The following ARHGEF10L variants were observed in gnomAD, a reference collection of about 807,000 sequenced individuals.
ARHGEF10L encodes the protein Rho guanine nucleotide exchange factor 10 like, also known as rho guanine nucleotide exchange factor 10-like protein.
A neutral mutation model predicts 141.2 loss-of-function variants in ARHGEF10L; 69 were observed. That is an observed-to-expected ratio of 0.49 (90% CI 0.40 to 0.60). ARHGEF10L has a LOEUF of 0.60. Among genes scored for constraint, ARHGEF10L ranks in the 20% least tolerant of loss-of-function variants. The pLI is 0.00. For missense variants in ARHGEF10L, 1,482 were observed against 1,734.3 expected (o/e 0.85, Z 2.58); for synonymous variants, 711 against 718.5 (o/e 0.99, Z 0.17).
chr1:17,667,511 C>A (rs1033705190), intron 26 of ARHGEF10L, among the ~76,000 whole-genome samples: 1 of 152,214 alleles, frequency 6.6e-6, no homozygotes, highest in Admixed American at 6.5e-5. Flanking sequence ...AGGCCCTCAG[C>A]CCCCTGTTGG....
intron 26 of ARHGEF10L, 102 bp from the exon 27 acceptor site, chr1:17,687,470 GC>G (rs1477426235): frequency 7.5e-7 from 1 of 1,328,070 alleles, no homozygotes; most frequent in Non-Finnish European, 1.0e-6. Context: ...AGTAGCTTGA[GC>G]TTTTGAAGAA....
intron 1 of ARHGEF10L, among the ~76,000 whole-genome samples, chr1:17,576,214 C>G (rs929424846): frequency 3.3e-5 from 5 of 152,042 alleles, no homozygotes; most frequent in African/African-American, 1.2e-4. Flanking sequence ...CAGGGGCAGG[C>G]AGGAGGAGGG....
chr1:17,584,443 T>C (rs536432924), intron 2 of ARHGEF10L, among the ~76,000 whole-genome samples: 1 of 151,880 alleles, frequency 6.6e-6, no homozygotes, highest in African/African-American at 2.4e-5. Flanking sequence ...CACTAGATGC[T>C]GAGGATGCAA....
intron 25 of ARHGEF10L, among the ~76,000 whole-genome samples, chr1:17,661,117 ACT>A (rs2062597719): frequency 2.6e-5 from 4 of 151,682 alleles, no homozygotes; most frequent in Admixed American, 2.6e-4. Flanking sequence ...ACAGAGTTTC[ACT>A]CTGTCACCCA....
chr1:17,629,194 T>A (rs1033385536), intron 15 of ARHGEF10L, among the ~76,000 whole-genome samples: 1 of 150,774 alleles, frequency 6.6e-6, no homozygotes, highest in African/African-American at 2.4e-5. Flanking sequence ...CTAATTAATT[T>A]TTTTTTTTTT....
rs1056539440 is a variant in ARHGEF10L, at chr1:17,648,498, C to A, written c.2273-56C>A. ...CTGGGGCTTGGAGGGCTCCTCATGGCCCAGTTGGTCCTTGGACTCTGACCA... is the reference window on the plus strand; with the variant it reads ...CTGGGGCTTGGAGGGCTCCTCATGGACCAGTTGGTCCTTGGACTCTGACCA... On this transcript the variant is annotated intron_variant, in intron 21 of 28. Transcript: ENST00000361221. 3 of 1,595,818 alleles carry A rather than the reference C, an allele frequency of 1.9e-6. No homozygotes were observed. In the African/African-American group the frequency reaches 4.0e-5, roughly 21 times the overall value.
intron 26 of ARHGEF10L, among the ~76,000 whole-genome samples, chr1:17,686,848 T>C (rs534935007): frequency 6.6e-6 from 1 of 151,238 alleles, no homozygotes; most frequent in South Asian, 2.1e-4. Context: ...TACATATACT[T>C]GCAAGAAAAA....
At chr1:17,576,012 C>T (rs57306397) in intron 1 of ARHGEF10L, among the ~76,000 whole-genome samples, 7,201 of 152,256 alleles carry the variant, frequency 0.047, 251 homozygotes, top group East Asian at 0.16. Flanking sequence ...CTGCTGCTTC[C>T]CCCGCTTCTG....
the ARHGEF10L span, among the ~76,000 whole-genome samples, chr1:17,529,531 T>G: frequency 6.6e-6 from 1 of 152,244 alleles, no homozygotes; most frequent in African/African-American, 2.4e-5. Context: ...TAAGGGGTTC[T>G]TCAGGGAAGC....
At chr1:17,690,895 T>A (rs569868455) in intron 27 of ARHGEF10L, among the ~76,000 whole-genome samples, 69 of 152,306 alleles carry the variant, frequency 4.5e-4, no homozygotes, top group Admixed American at 8.5e-4. Context: ...AGTTCTTTAT[T>A]AGAGATATTT....
intron 4 of ARHGEF10L, among the ~76,000 whole-genome samples, chr1:17,598,341 A>G (rs1263247923): frequency 6.6e-6 from 1 of 152,176 alleles, no homozygotes; most frequent in Non-Finnish European, 1.5e-5. Flanking sequence ...ACCTCCAGTG[A>G]TCTACCCACC....
At position 17,635,877 on chromosome 1, in the gene ARHGEF10L, G is replaced by A. The variant is rs1257312486; in HGVS notation, c.1927+861G>A. Among the ~76,000 whole-genome samples the A allele has an allele frequency of 4.6e-5, 7 of 152,274 alleles. 1 individual carries two copies. Among genetic ancestry groups the A allele is most frequent in the African/African-American group, 1.7e-4 (7 of 41,542 alleles). On this transcript the variant is annotated intron_variant, in intron 18 of 28. Transcript: ENST00000361221. ...CTTCTGTGGGTGAGAAAGGCACTGGGGTTTCACTTCCCCCTCTGTCTGCTG... is the reference window on the plus strand; with the variant it reads ...CTTCTGTGGGTGAGAAAGGCACTGGAGTTTCACTTCCCCCTCTGTCTGCTG...
At chr1:17,646,133 C>T (rs2061585919) in intron 21 of ARHGEF10L, among the ~76,000 whole-genome samples, 1 of 152,210 alleles carries the variant, frequency 6.6e-6, no homozygotes, top group African/African-American at 2.4e-5. Flanking sequence ...CGGGTGCTGG[C>T]GCCTTCACAT....
chr1:17,520,586 ACTCC>A, the ARHGEF10L span, among the ~76,000 whole-genome samples: 2 of 145,298 alleles, frequency 1.4e-5, no homozygotes, highest in African/African-American at 2.8e-5. Flanking sequence ...GGGGCACCCT[ACTCC>A]CTCCCAGCAG....
At position 17,696,958 on chromosome 1, in the gene ARHGEF10L, G is replaced by C; in HGVS notation, c.3418G>C (p.Gly1140Arg). 6.2e-7 allele frequency: 1 copy of C among 1,612,626 alleles called. No homozygotes were observed. The highest frequency in any genetic ancestry group is 8.5e-7 in the Non-Finnish European group (1 of 1,179,838). ...ILRSDQEEAE[G>R]PRAEEDKPDG... ...GCGGAGTGACCAGGAGGAGGCTGAG[G>C]GGCCCCGGGCTGAGGAGGACAAGCC... Residue 1140 changes from glycine (G) to arginine (R), a missense_variant, in exon 29 of 29, where the codon GGG becomes CGG. Around this residue, in one of 3 missense-constraint regions of ARHGEF10L, gnomAD observed 858 missense variants for 966.3 expected, o/e 0.89. Coordinates refer to ENST00000361221, the MANE Select transcript of ARHGEF10L (RefSeq NM_018125.4).
chr1:17,695,881 A>G (rs2065460579), intron 28 of ARHGEF10L, among the ~76,000 whole-genome samples: 1 of 151,880 alleles, frequency 6.6e-6, no homozygotes, highest in South Asian at 2.1e-4. Flanking sequence ...CCCTGCGCAG[A>G]CCTCAAGTCC....
intron 1 of ARHGEF10L, among the ~76,000 whole-genome samples, chr1:17,568,241 T>A (rs1177713972): frequency 6.6e-6 from 1 of 152,238 alleles, no homozygotes; most frequent in Non-Finnish European, 1.5e-5. Flanking sequence ...CAAACATTTA[T>A]TGAGCACTTA....
chr1:17,692,042 T>C (rs1384404857), intron 27 of ARHGEF10L, among the ~76,000 whole-genome samples: 1 of 152,182 alleles, frequency 6.6e-6, no homozygotes, highest in Non-Finnish European at 1.5e-5. Context: ...AGTCAGCTGT[T>C]GAAAGGGGCT....
In ARHGEF10L at chr1:17,656,039, C is replaced by T. The variant is rs761016303; in HGVS notation, c.2642C>T (p.Pro881Leu). 1.4e-5 allele frequency: 22 copies of T among 1,570,544 alleles called. No homozygotes were observed. In the South Asian group the frequency reaches 2.3e-4, roughly 17 times the overall value. Residue 881 changes from proline to leucine, a missense_variant, in exon 24 of 29, where the codon CCG becomes CTG. Coordinates refer to ENST00000361221, the MANE Select transcript of ARHGEF10L (RefSeq NM_018125.4). This position sits in a 1 kb window ranked among gnomAD's most constrained non-coding sequence, Gnocchi z 4.9. ...GAGGCGGAGAGCAGAGACGAGAGCCCGACAGTTGCTGACCCCTCGGCCACG... is the reference window on the plus strand; with the variant it reads ...GAGGCGGAGAGCAGAGACGAGAGCCTGACAGTTGCTGACCCCTCGGCCACG... Reference protein sequence around the residue: ...EEEAESRDESPTVADPSATVH... With the variant: ...EEEAESRDESLTVADPSATVH...
Sources: gnomAD v4.1 joint callset for allele counts (sites outside exome capture counted in the v4.1 genomes callset) on GRCh38, gnomAD v4.1.1 for gene constraint, gnomAD v4.1.1 regional missense constraint, Gnocchi (gnomAD v3.1) non-coding constraint, MANE v1.5 for transcripts, NCBI Gene and HGNC (gene_info 2026-07-23, HGNC 2026-07-21) for gene names.